Variants in SLC25A26 observed in about 807,000 individuals in gnomAD.
SLC25A26 encodes mitochondrial S-adenosylmethionine carrier protein.
A neutral mutation model predicts 37.8 loss-of-function variants in SLC25A26; 36 were observed. That is an observed-to-expected ratio of 0.95 (90% CI 0.73 to 1.26). The LOEUF (loss-of-function observed/expected upper bound fraction) is 1.26. Ranked by LOEUF, SLC25A26 falls within the 50% of genes most tolerant of loss-of-function variation. The pLI is 0.00. For missense variants in SLC25A26, 390 were observed against 331.1 expected (o/e 1.18, Z -1.38); for synonymous variants, 129 against 122.5 (o/e 1.05, Z -0.35).
At chr3:66,142,243 T>G (rs1003614244) in intron 1 of SLC25A26, among the ~76,000 whole-genome samples, 2 of 152,238 alleles carry the variant, frequency 1.3e-5, no homozygotes, top group Non-Finnish European at 2.9e-5. Flanking sequence ...AGATATGATC[T>G]TTTGTGTCTG....
chr3:66,203,909 G>C (rs2071140117), intron 1 of SLC25A26, among the ~76,000 whole-genome samples: 3 of 152,160 alleles, frequency 2.0e-5, no homozygotes, highest in African/African-American at 7.2e-5. Flanking sequence ...CAATGGCAGA[G>C]AATGAAATTA....
At chr3:66,162,344 CTT>C (rs562402223) in intron 1 of SLC25A26, among the ~76,000 whole-genome samples, 17 of 47,302 alleles carry the variant, frequency 3.6e-4, no homozygotes, top group Admixed American at 8.8e-4. Flanking sequence ...ATTTTTTTTT[CTT>C]TTTTTTTTTT....
chr3:66,325,683 A>C lies in SLC25A26; in HGVS notation c.454-20681A>C, dbSNP rs115897110. Among the ~76,000 whole-genome samples, 78 of 152,304 alleles carry C rather than the reference A, an allele frequency of 5.1e-4. 1 individual carries two copies. The highest frequency in any genetic ancestry group is 1.6e-3 in the African/African-American group (68 of 41,558). On this transcript the variant is annotated intron_variant, in intron 5 of 9. Transcript: ENST00000354883. ...CCAGGCAGAGGAATCATATGTAAGA[A>C]GGCCCCGGAGATAAGGCCAGTGTAG...
intron 1 of SLC25A26, among the ~76,000 whole-genome samples, chr3:66,135,074 A>C (rs73127748): frequency 0.017 from 2,558 of 152,170 alleles, 36 homozygotes; most frequent in Middle Eastern, 0.041. Context: ...CAGGTGATCC[A>C]GCCACTTTGG....
intron 5 of SLC25A26, among the ~76,000 whole-genome samples, chr3:66,265,452 A>G (rs1199175756): frequency 2.0e-5 from 3 of 152,232 alleles, no homozygotes; most frequent in Non-Finnish European, 4.4e-5. Flanking sequence ...TTTGGGACAC[A>G]ATTCTCTGTT....
intron 1 of SLC25A26, among the ~76,000 whole-genome samples, chr3:66,155,414 G>A (rs2070267776): frequency 6.6e-6 from 1 of 152,142 alleles, no homozygotes; most frequent in African/African-American, 2.4e-5. Flanking sequence ...TCAGGAGGCT[G>A]AGGCAGAAGG....
intron 1 of SLC25A26, among the ~76,000 whole-genome samples, chr3:66,226,646 A>G (rs995477268): frequency 2.0e-5 from 3 of 152,096 alleles, no homozygotes; most frequent in African/African-American, 7.2e-5. Flanking sequence ...CTTGTTTTGT[A>G]GAGACAGGGT....
intron 7 of SLC25A26, among the ~76,000 whole-genome samples, chr3:66,367,669 G>GAGAT (rs200009472): frequency 1.4e-5 from 2 of 144,346 alleles, no homozygotes; most frequent in Admixed American, 6.7e-5. Context: ...TTTCTTGGGG[G>GAGAT]AGATAGATAG....
At chr3:66,221,187 C>T in intron 1 of SLC25A26, 60 bp downstream of exon 1, 1 of 1,473,630 alleles carries the variant, frequency 6.8e-7, no homozygotes, top group Non-Finnish European at 9.0e-7. Context: ...TTGGAGCCCG[C>T]GGGCGTTCTC....
rs1343084411 is a variant in SLC25A26, at chr3:66,378,693, A to G, written c.*886A>G. 1 of 152,536 alleles carries G rather than the reference A, an allele frequency of 6.6e-6. No homozygotes were observed. The highest frequency in any genetic ancestry group is 1.5e-5 in the Non-Finnish European group (1 of 68,034). The allele number at this position is 152,536 out of a possible 1,614,324, so 9.4% of individuals were successfully genotyped here. On this transcript the variant is annotated 3_prime_UTR_variant, in exon 10 of 10. Transcript: ENST00000354883. Reference sequence around the variant, plus strand: ...CAGTGTTGTCTGCCCTGGAGCAAACAAACAGTATGTGATTTTGCTTCGCCT... The same window carrying G: ...CAGTGTTGTCTGCCCTGGAGCAAACGAACAGTATGTGATTTTGCTTCGCCT...
chr3:66,158,342 A>G (rs1156621222), intron 1 of SLC25A26, among the ~76,000 whole-genome samples: 2 of 152,140 alleles, frequency 1.3e-5, no homozygotes, highest in African/African-American at 4.8e-5. Context: ...CATTTTATTT[A>G]CCTGTTCATC....
intron 1 of SLC25A26, among the ~76,000 whole-genome samples, chr3:66,210,341 G>A (rs1051320450): frequency 2.6e-5 from 4 of 152,008 alleles, no homozygotes; most frequent in Non-Finnish European, 5.9e-5. Flanking sequence ...CTGGAGTGGG[G>A]TGATGTGAAG....
At chr3:66,220,502 G>A (rs1559582842), upstream of SLC25A26, among the ~76,000 whole-genome samples, 1 of 152,138 alleles carries the variant, frequency 6.6e-6, no homozygotes, top group African/African-American at 2.4e-5. Context: ...AAAGAGAAAT[G>A]GAGGATGCTA....
At chr3:66,361,850 G>A (rs943139608) in intron 6 of SLC25A26, among the ~76,000 whole-genome samples, 5 of 151,842 alleles carry the variant, frequency 3.3e-5, no homozygotes, top group Non-Finnish European at 7.4e-5. Context: ...GCCTGTAGTC[G>A]CAGCTACTCA....
intron 5 of SLC25A26, among the ~76,000 whole-genome samples, chr3:66,303,712 G>C (rs545418478): frequency 6.6e-6 from 1 of 152,160 alleles, no homozygotes; most frequent in Non-Finnish European, 1.5e-5. Context: ...GGTTTAAGGT[G>C]ACATATATTG....
rs2070295706 is a variant in SLC25A26, at chr3:66,157,204, AT to A, written c.-354+23224del. 3.3e-5 allele frequency among the ~76,000 whole-genome samples: 5 copies of A among 152,306 alleles called. No homozygotes were observed. The South Asian group carries it at 1.0e-3, about 32-fold the overall frequency. On this transcript the variant is annotated intron_variant, in intron 1 of 10. Coordinates refer to the SLC25A26 transcript ENST00000676754. ...AGCCATGATGGCCCCACTGCACTCC[AT>A]TTTAGGTGACAGAGTGAGACCCTGT...
At chr3:66,284,628 T>C (rs1304980977) in intron 5 of SLC25A26, among the ~76,000 whole-genome samples, 1 of 151,966 alleles carries the variant, frequency 6.6e-6, no homozygotes, top group Non-Finnish European at 1.5e-5. Context: ...TAATACACAG[T>C]AGTGTAAAAA....
chr3:66,312,151 C>T (rs2075397313), intron 5 of SLC25A26, among the ~76,000 whole-genome samples: 1 of 152,160 alleles, frequency 6.6e-6, no homozygotes, highest in Non-Finnish European at 1.5e-5. Flanking sequence ...CTATAAGCAC[C>T]TGACTGGGGC....
chr3:66,180,390 G>A (rs911716972), intron 1 of SLC25A26, among the ~76,000 whole-genome samples: 2 of 152,162 alleles, frequency 1.3e-5, no homozygotes, highest in Non-Finnish European at 2.9e-5. Context: ...CAGGGGCAGG[G>A]AACATGCCGC....
Sources: gnomAD v4.1 joint callset for allele counts (sites outside exome capture counted in the v4.1 genomes callset) on GRCh38, gnomAD v4.1.1 for gene constraint, MANE v1.5 for transcripts, NCBI Gene and HGNC (gene_info 2026-07-23, HGNC 2026-07-21) for gene names.